XYLT1: variants seen among roughly 807,000 people sequenced by gnomAD.
XYLT1 encodes xylosyltransferase 1, also known as beta-D-xylosyltransferase 1.
XYLT1 carries 36 observed loss-of-function variants against 91.3 expected under a neutral mutation model. That is an observed-to-expected ratio of 0.39 (90% CI 0.30 to 0.52). The LOEUF (loss-of-function observed/expected upper bound fraction) is 0.52, where lower values mean the gene tolerates loss of function less well. Among genes scored for constraint, XYLT1 ranks in the 20% least tolerant of loss-of-function variants. The pLI is 0.68. For synonymous variants in XYLT1, 588 were observed against 532.0 expected (o/e 1.11, Z -1.45); for missense variants, 1,242 against 1,284.5 (o/e 0.97, Z 0.51).
Position 17,204,189 on chromosome 16 carries a change from T to C in XYLT1, c.914-3535A>G, listed in dbSNP as rs548512476. Reference sequence around the variant, plus strand: ...ATATAGAGGATAGGTGTAAGGACTCTATGCTGGTCTTTAAAAAGGGCTTGG... The same window carrying C: ...ATATAGAGGATAGGTGTAAGGACTCCATGCTGGTCTTTAAAAAGGGCTTGG... On this transcript the variant is annotated intron_variant, in intron 3 of 11. Coordinates refer to ENST00000261381, the MANE Select transcript of XYLT1 (RefSeq NM_022166.4). Among the ~76,000 whole-genome samples, 7 of 152,348 alleles carry C rather than the reference T, an allele frequency of 4.6e-5. No homozygotes were observed. In the South Asian group the frequency reaches 1.2e-3, roughly 27 times the overall value.
intron 3 of XYLT1, among the ~76,000 whole-genome samples, chr16:17,256,520 G>A (rs190976369): frequency 1.1e-3 from 162 of 152,044 alleles, no homozygotes; most frequent in Non-Finnish European, 1.6e-3. Flanking sequence ...GTGTGATGGC[G>A]GGCGCCTGTA....
At chr16:17,249,255 C>A (rs1270515907) in intron 3 of XYLT1, among the ~76,000 whole-genome samples, 1 of 152,146 alleles carries the variant, frequency 6.6e-6, no homozygotes, top group Admixed American at 6.5e-5. Context: ...GCTCAGAATA[C>A]CACCTCCACA....
chr16:17,397,793 G>A (rs187921842), intron 1 of XYLT1, among the ~76,000 whole-genome samples: 93 of 150,278 alleles, frequency 6.2e-4, no homozygotes, highest in African/African-American at 2.0e-3. Flanking sequence ...TCATTGCTAC[G>A]ATTTTACTAG....
At chr16:17,147,786 T>C (rs1040243287) in intron 6 of XYLT1, among the ~76,000 whole-genome samples, 1 of 152,170 alleles carries the variant, frequency 6.6e-6, no homozygotes, top group African/African-American at 2.4e-5. Context: ...TTCTTTACCA[T>C]AACTTGAAAA....
intron 5 of XYLT1, among the ~76,000 whole-genome samples, chr16:17,172,463 T>C (rs1309132971): frequency 7.7e-6 from 1 of 130,246 alleles, no homozygotes; most frequent in African/African-American, 2.6e-5. Context: ...ACTGCGTTCA[T>C]TTCTTTTTTT....
At chr16:17,198,487 C>G in intron 4 of XYLT1, 73 bp from the exon 5 acceptor site, 2 of 1,464,750 alleles carry the variant, frequency 1.4e-6, no homozygotes, top group Non-Finnish European at 1.9e-6. Flanking sequence ...TCACCCCTGT[C>G]CCCTCTCTGT....
intron 1 of XYLT1, among the ~76,000 whole-genome samples, chr16:17,407,393 T>C (rs2036047383): frequency 6.6e-6 from 1 of 152,238 alleles, no homozygotes; most frequent in South Asian, 2.1e-4. Context: ...ATTTTGCTTT[T>C]CAAAGTGCCT....
At chr16:17,370,269 A>G (rs1019269016) in intron 1 of XYLT1, among the ~76,000 whole-genome samples, 1 of 152,236 alleles carries the variant, frequency 6.6e-6, no homozygotes, top group African/African-American at 2.4e-5. Context: ...AAGCAAGTTG[A>G]TAATCAACAC....
At chr16:17,281,233 C>T (rs573161048) in intron 2 of XYLT1, among the ~76,000 whole-genome samples, 24 of 151,668 alleles carry the variant, frequency 1.6e-4, no homozygotes, top group African/African-American at 5.3e-4. Context: ...CCCCAGTGCC[C>T]GGTCACGCCC....
Position 17,198,207 on chromosome 16 carries a change from C to T in XYLT1, c.1289+5G>A. ...AGACTGGCTTGGGGCCCTTGGCTGCCTTACCTGATGGGGTAGTCGGCCGCA... is the reference window on the plus strand; with the variant it reads ...AGACTGGCTTGGGGCCCTTGGCTGCTTTACCTGATGGGGTAGTCGGCCGCA... On this transcript the variant is annotated splice_donor_5th_base_variant and intron_variant, in intron 5 of 11. Transcript: ENST00000261381. 2 of 1,614,070 alleles carry T rather than the reference C, an allele frequency of 1.2e-6. No individual in the cohort carries two copies. The highest frequency in any genetic ancestry group is 1.1e-5 in the South Asian group (1 of 91,080).
chr16:17,299,002 CTTA>C (rs1225703843), intron 2 of XYLT1, among the ~76,000 whole-genome samples: 1 of 151,798 alleles, frequency 6.6e-6, no homozygotes, highest in Admixed American at 6.6e-5. Flanking sequence ...TATATATTTG[CTTA>C]TTGTCTGAAT....
intron 2 of XYLT1, among the ~76,000 whole-genome samples, chr16:17,325,256 T>A (rs143916261): frequency 1.4e-4 from 22 of 152,150 alleles, no homozygotes; most frequent in African/African-American, 5.3e-4. Flanking sequence ...AAAAATTAGC[T>A]GGGCATAGGT....
chr16:17,462,467 C>A (rs1328078921), intron 1 of XYLT1, among the ~76,000 whole-genome samples: 1 of 152,160 alleles, frequency 6.6e-6, no homozygotes, highest in Non-Finnish European at 1.5e-5. Context: ...GCAACCGAAC[C>A]CAGAGAGCAC....
At chr16:17,276,074 A>G (rs531874836) in intron 2 of XYLT1, among the ~76,000 whole-genome samples, 1 of 152,342 alleles carries the variant, frequency 6.6e-6, no homozygotes, top group South Asian at 2.1e-4. Context: ...AGAGAAAGAA[A>G]TAGGCTCCTA....
intron 2 of XYLT1, among the ~76,000 whole-genome samples, chr16:17,275,833 T>A (rs1307386384): frequency 6.6e-6 from 1 of 152,240 alleles, no homozygotes; most frequent in Non-Finnish European, 1.5e-5. Flanking sequence ...AAACTCATCC[T>A]TTGCCTGTGT....
intron 1 of XYLT1, among the ~76,000 whole-genome samples, chr16:17,440,026 C>G (rs1282516187): frequency 6.6e-6 from 1 of 152,210 alleles, no homozygotes; most frequent in East Asian, 1.9e-4. Context: ...CATATTCTCT[C>G]TTAGATCCTT....
intron 5 of XYLT1, among the ~76,000 whole-genome samples, chr16:17,174,929 T>C (rs572870893): frequency 1.3e-5 from 2 of 152,092 alleles, no homozygotes; most frequent in African/African-American, 4.8e-5. Flanking sequence ...CACCACCACA[T>C]CTGGCTAATT....
At chr16:17,343,410 G>A (rs1237093854) in intron 2 of XYLT1, among the ~76,000 whole-genome samples, 1 of 152,170 alleles carries the variant, frequency 6.6e-6, no homozygotes, top group Non-Finnish European at 1.5e-5. Flanking sequence ...CCCCAGATGT[G>A]AGCTGGAGGC....
At chr16:17,124,349 G>GA (rs543964085) in intron 10 of XYLT1, among the ~76,000 whole-genome samples, 3 of 152,070 alleles carry the variant, frequency 2.0e-5, no homozygotes, top group African/African-American at 4.8e-5. Context: ...GCATTTTTCT[G>GA]AAAAAACTGT....
Sources: gnomAD v4.1 joint callset for allele counts (sites outside exome capture counted in the v4.1 genomes callset) on GRCh38, gnomAD v4.1.1 for gene constraint, MANE v1.5 for transcripts, NCBI Gene and HGNC (gene_info 2026-07-23, HGNC 2026-07-21) for gene names.